The following FCHO1 variants were observed in gnomAD, a reference collection of about 807,000 sequenced individuals.
FCHO1 encodes F-BAR domain only protein 1.
In FCHO1, 45 loss-of-function variants were observed where a neutral mutation model predicts 114.4. That is an observed-to-expected ratio of 0.39 (90% CI 0.31 to 0.50). The LOEUF (loss-of-function observed/expected upper bound fraction) is 0.50. Among genes scored for constraint, FCHO1 ranks in the 20% least tolerant of loss-of-function variants. The pLI, the probability that FCHO1 is intolerant of heterozygous loss-of-function variation, is 0.77. For synonymous variants in FCHO1, 480 were observed against 488.9 expected (o/e 0.98, Z 0.24); for missense variants, 1,042 against 1,209.6 (o/e 0.86, Z 2.06).
chr19:17,762,849 G>T lies in FCHO1; in HGVS notation c.115G>T (p.Glu39Ter). The T allele has an allele frequency of 6.2e-7, 1 of 1,609,590 alleles. No individual in the cohort carries two copies. The highest frequency in any genetic ancestry group is 8.5e-7 in the Non-Finnish European group (1 of 1,176,106). ...STKELADFIR[E>*]RATIEETYSK... ...CAAGGAGCTGGCGGACTTCATCCGG[G>T]AGAGGTGAGGTCCCCAAGCCCCATC... is the stretch of plus-strand genomic sequence containing the variant. The change falls in exon 5 of 29, where the codon GAG (glutamate) becomes TAG (stop). Residue 39 changes from glutamate to a stop codon, truncating the protein, a stop_gained. Transcript: ENST00000596536. LOFTEE classifies it high-confidence loss of function.
intron 23 of FCHO1, 94 bp from the exon 24 acceptor site, chr19:17,782,923 G>T: frequency 2.1e-6 from 3 of 1,422,562 alleles, no homozygotes; most frequent in East Asian, 4.7e-5. Context: ...GAGGAGTCTG[G>T]GGAGCCACAG....
chr19:17,787,972 A>G (rs1568382954), intron 28 of FCHO1, 126 bp downstream of exon 28: 1 of 1,232,092 alleles, frequency 8.1e-7, no homozygotes, highest in African/African-American at 1.5e-5. Context: ...TGGGGCCAGG[A>G]GACCCCAGAT....
At chr19:17,747,756 G>T (rs2080873177), upstream of FCHO1, 1 of 152,068 alleles carries the variant, frequency 6.6e-6, no homozygotes, top group Non-Finnish European at 1.5e-5. Flanking sequence ...GGCGGGCTCC[G>T]GTGTCAGCGA....
chr19:17,761,522 T>C (rs925009966), intron 4 of FCHO1, among the ~76,000 whole-genome samples: 1 of 151,968 alleles, frequency 6.6e-6, no homozygotes, highest in Non-Finnish European at 1.5e-5. Context: ...TTTTGCAATT[T>C]AACTGAATTT....
intron 7 of FCHO1, among the ~76,000 whole-genome samples, chr19:17,769,632 C>A (rs867105837): frequency 2.9e-5 from 4 of 137,118 alleles, no homozygotes; most frequent in East Asian, 4.6e-4. Context: ...CACACACACA[C>A]AAAACGGTGA....
At chr19:17,783,511 G>A (rs961306672) in intron 24 of FCHO1, among the ~76,000 whole-genome samples, 7 of 151,480 alleles carry the variant, frequency 4.6e-5, no homozygotes, top group Non-Finnish European at 4.4e-5. Context: ...CAGGCAATCC[G>A]CCCGCCTTGG....
Position 17,788,375 on chromosome 19 carries a change from G to A in FCHO1, c.*69G>A. 8.0e-7 allele frequency: 1 copy of A among 1,248,986 alleles called. No homozygotes were observed. Among genetic ancestry groups the A allele is most frequent in the Non-Finnish European group, 1.2e-6 (1 of 863,754 alleles). The allele number at this position is 1,248,986 out of a possible 1,614,324, so 77.4% of individuals were successfully genotyped here. ...CTGGCTGACCACCCCCTGCCCTCCT[G>A]CCGGACCCTGGGGCCTCCCACCCCA... On this transcript the variant is annotated 3_prime_UTR_variant, in exon 29 of 29. Coordinates refer to ENST00000596536, the MANE Select transcript of FCHO1 (RefSeq NM_015122.3).
At chr19:17,765,317 A>G (rs2088449897) in intron 6 of FCHO1, among the ~76,000 whole-genome samples, 2 of 152,126 alleles carry the variant, frequency 1.3e-5, no homozygotes, top group African/African-American at 4.8e-5. Context: ...CAACGTGGAA[A>G]GGAAGTAGGA....
Position 17,778,208 on chromosome 19 carries a change from T to G in FCHO1, c.1331T>G (p.Phe444Cys). 6.8e-6 allele frequency: 11 copies of G among 1,613,876 alleles called. No individual in the cohort carries two copies. The highest frequency in any genetic ancestry group is 1.1e-5 in the South Asian group (1 of 91,076). The change falls in exon 19 of 29, where the codon TTT becomes TGT. Residue 444 changes from phenylalanine (F) to cysteine (C), a missense_variant. Physicochemically the swap from Phe to Cys is radical, Grantham distance 205. Transcript: ENST00000596536. ...NLFGPPLESA[F>C]DHEDFTGSSS... ...TTTGGGCCGCCCCTGGAGTCAGCCT[T>G]TGACCACGAAGATTTTACAGGTGAT... is the stretch of plus-strand genomic sequence containing the variant.
At chr19:17,756,054 C>T (rs918286753) in intron 4 of FCHO1, among the ~76,000 whole-genome samples, 7 of 152,298 alleles carry the variant, frequency 4.6e-5, no homozygotes, top group Middle Eastern at 3.4e-3. Context: ...GTCAGAAAGC[C>T]CCTTCCCCAG....
At chr19:17,760,154 C>T (rs1205026575) in intron 4 of FCHO1, among the ~76,000 whole-genome samples, 19 of 151,608 alleles carry the variant, frequency 1.3e-4, no homozygotes, top group South Asian at 2.1e-4. Context: ...CGGGTTCAAG[C>T]GATTCTCCTG....
At chr19:17,774,190 T>C (rs1383333050) in intron 11 of FCHO1, 49 bp from the exon 12 acceptor site, 3 of 1,589,444 alleles carry the variant, frequency 1.9e-6, no homozygotes, top group Non-Finnish European at 2.6e-6. Context: ...ATTACAGGCA[T>C]GGGCCACCGT....
At chr19:17,760,868 C>T (rs1461651975) in intron 4 of FCHO1, among the ~76,000 whole-genome samples, 1 of 152,048 alleles carries the variant, frequency 6.6e-6, no homozygotes, top group Non-Finnish European at 1.5e-5. Context: ...AGGCTGGTCT[C>T]GAACTCAAGA....
rs373991537 is a variant in FCHO1 at position 17,784,980 on chromosome 19, C to T, written c.2426+56C>T. On this transcript the variant is annotated intron_variant, in intron 26 of 28. Coordinates refer to ENST00000596536, the MANE Select transcript of FCHO1 (RefSeq NM_015122.3). The surrounding 1 kb of genome is among the most constrained non-coding windows in gnomAD (Gnocchi z 5.3). ...CAGCAGTTTCCCCCATAACCCCAGA[C>T]CTTCTCCCTGATGCATTGATTAAAG... 3.1e-5 allele frequency: 48 copies of T among 1,556,450 alleles called. No individual in the cohort carries two copies. In the African/African-American group the frequency reaches 4.6e-4, roughly 15 times the overall value.
chr19:17,770,411 C>T lies in FCHO1; in HGVS notation c.337-14C>T. The T allele has an allele frequency of 2.5e-6, 4 of 1,598,908 alleles. No homozygotes were observed. Among genetic ancestry groups the T allele is most frequent in the South Asian group, 1.1e-5 (1 of 90,134 alleles). The stretch of plus-strand genomic sequence containing the variant: ...TTTCACAGTCTACCCATGAAATCCC[C>T]TCCTACCCCGCAGTGCAAGGAGGAA... On this transcript the variant is annotated splice_polypyrimidine_tract_variant and intron_variant, in intron 7 of 28. Coordinates refer to ENST00000596536, the MANE Select transcript of FCHO1 (RefSeq NM_015122.3).
rs1052364226 is a variant in FCHO1, at chr19:17,781,927, T to C, written c.1937+107T>C. The C allele has an allele frequency of 1.1e-5, 8 of 717,416 alleles. No individual in the cohort carries two copies. In the African/African-American group the frequency reaches 1.5e-4, roughly 13 times the overall value. The allele number at this position is 717,416 out of a possible 1,614,324, so 44.4% of individuals were successfully genotyped here. On this transcript the variant is annotated intron_variant, in intron 23 of 28. Transcript: ENST00000596536. ...TGGTCTGTCTTATAGTGAAAGGGCC[T>C]TGAACACTGAGCCAAGTGACCAGGC...
rs538042504 is a variant in FCHO1, at chr19:17,786,692, T to G, written c.2482+63T>G. Reference sequence around the variant, plus strand: ...ACTGGGGTCAGGTGGGAGGCACTTATTTATGTTGGGGAAGAATTGGGGACA... The same window carrying G: ...ACTGGGGTCAGGTGGGAGGCACTTAGTTATGTTGGGGAAGAATTGGGGACA... On this transcript the variant is annotated intron_variant, in intron 27 of 28. Transcript: ENST00000596536. 32 of 1,548,178 alleles carry G rather than the reference T, an allele frequency of 2.1e-5. No individual in the cohort carries two copies. In the South Asian group the frequency reaches 3.7e-4, roughly 18 times the overall value.
In FCHO1 at chr19:17,775,857, G is replaced by T. The variant is rs550951691; in HGVS notation, c.1004-126G>T. ...ACATGGTGTCAGGACTGAAGGTGGC[G>T]CGTGGTGAGCGATGGGATTGGGCAG... On this transcript the variant is annotated intron_variant, in intron 15 of 28. Transcript: ENST00000596536. This position sits in a 1 kb window ranked among gnomAD's most constrained non-coding sequence, Gnocchi z 5.1. 9.2e-7 allele frequency: 1 copy of T among 1,091,962 alleles called. No homozygotes were observed. Among genetic ancestry groups the T allele is most frequent in the Non-Finnish European group, 1.3e-6 (1 of 764,900 alleles). 67.6% of individuals were successfully genotyped at this position (1,091,962 alleles called of 1,614,324 possible).
At chr19:17,781,969 G>T in intron 23 of FCHO1, 149 bp downstream of exon 23, 1 of 482,710 alleles carries the variant, frequency 2.1e-6, no homozygotes. Context: ...CCTGAGGGCA[G>T]TGGAGCCATA....
Sources: allele counts gnomAD v4.1 joint callset (sites outside exome capture counted in the v4.1 genomes callset), GRCh38; gene constraint gnomAD v4.1.1; non-coding constraint Gnocchi (gnomAD v3.1); transcripts MANE v1.5; gene names NCBI Gene and HGNC (gene_info 2026-07-23, HGNC 2026-07-21).